ABCF1: variants seen among roughly 807,000 people sequenced by gnomAD.
The protein encoded by ABCF1 is ATP binding cassette subfamily F member 1, also known as ATP-binding cassette sub-family F member 1.
A neutral mutation model predicts 126.3 loss-of-function variants in ABCF1; 73 were observed. The observed-to-expected ratio is 0.58, with a 90% CI of 0.48 to 0.70. ABCF1 has a LOEUF of 0.70. Among genes scored for constraint, ABCF1 ranks in the 30% least tolerant of loss-of-function variants. The pLI is 0.00. For missense variants in ABCF1, 786 were observed against 1,057.5 expected, an observed-to-expected ratio of 0.74 and a Z score of 3.56; for synonymous variants, 345 against 396.4, an observed-to-expected ratio of 0.87 and a Z score of 1.54.
intron 3 of ABCF1, 35 bp downstream of exon 3, chr6:30,577,948 G>A: frequency 1.2e-6 from 2 of 1,613,330 alleles, no homozygotes; most frequent in Non-Finnish European, 1.7e-6. Context: ...ATCCTGGGAG[G>A]CATCTGGGTT....
chr6:30,582,819 G>A (rs1037796811), intron 9 of ABCF1, among the ~76,000 whole-genome samples: 5 of 152,050 alleles, frequency 3.3e-5, no homozygotes, highest in African/African-American at 9.7e-5. Flanking sequence ...TCAGCCTCCC[G>A]AATAGCTGAG....
rs1328948233 is a variant in ABCF1 at position 30,574,254 on chromosome 6, T to C, written c.73+2694T>C. Among the ~76,000 whole-genome samples the C allele has an allele frequency of 2.0e-5, 3 of 152,062 alleles. No individual in the cohort carries two copies. In the East Asian group the frequency reaches 5.8e-4, roughly 29 times the overall value. On this transcript the variant is annotated intron_variant, in intron 1 of 24. Transcript: ENST00000326195. This position sits in a 1 kb window ranked among gnomAD's most constrained non-coding sequence, Gnocchi z 4.3. ...GGCTCAAGCCATCTTCCCTTGTAGC[T>C]GGGACTACAGGCACACACCGCCATG...
chr6:30,578,946 G>A (rs1019745071), intron 6 of ABCF1, among the ~76,000 whole-genome samples: 1 of 152,020 alleles, frequency 6.6e-6, no homozygotes, highest in Non-Finnish European at 1.5e-5. Flanking sequence ...TTTGCAGTGA[G>A]CTGAGATTGA....
At chr6:30,572,417 A>G (rs538321202) in intron 1 of ABCF1, among the ~76,000 whole-genome samples, 1 of 152,336 alleles carries the variant, frequency 6.6e-6, no homozygotes, top group East Asian at 1.9e-4. Flanking sequence ...AAGGTGCTTA[A>G]GAATGTTATG....
Position 30,586,005 on chromosome 6 carries a change from G to A in ABCF1, c.1713+14G>A, listed in dbSNP as rs1222038855. 2 of 1,602,954 alleles carry A rather than the reference G, an allele frequency of 1.2e-6. No individual in the cohort carries two copies. The highest frequency in any genetic ancestry group is 1.7e-6 in the Non-Finnish European group (2 of 1,174,170). ...ACCAAGCAGGCGGTGAGCACCTGAG[G>A]GACTTCTGGGCTGGGGGCCACTGTT... On this transcript the variant is annotated intron_variant, in intron 17 of 24. Transcript: ENST00000326195. This position sits in a 1 kb window ranked among gnomAD's most constrained non-coding sequence, Gnocchi z 4.9.
rs576346778 is a variant in ABCF1 at position 30,583,398 on chromosome 6, A to G, written c.915+210A>G. Among the ~76,000 whole-genome samples the G allele has an allele frequency of 6.6e-6, 1 of 152,336 alleles. No homozygotes were observed. Among genetic ancestry groups the G allele is most frequent in the African/African-American group, 2.4e-5 (1 of 41,570 alleles). The stretch of plus-strand genomic sequence containing the variant: ...CACCCTTGGCAGAAAATAGTGTGGG[A>G]CAGACTAGACTAGCTGAGGATGCAT... On this transcript the variant is annotated intron_variant, in intron 10 of 24. Coordinates refer to ENST00000326195, the MANE Select transcript of ABCF1 (RefSeq NM_001025091.2). This position sits in a 1 kb window ranked among gnomAD's most constrained non-coding sequence, Gnocchi z 4.1.
At chr6:30,578,866 G>C (rs2127407491) in intron 6 of ABCF1, among the ~76,000 whole-genome samples, 1 of 152,198 alleles carries the variant, frequency 6.6e-6, no homozygotes, top group South Asian at 2.1e-4. Context: ...CAGGCGTGGT[G>C]GCGTGCGCCT....
Position 30,580,455 on chromosome 6 carries a change from A to C in ABCF1, c.614A>C (p.Glu205Ala). Reference protein sequence around the residue: ...ALDNEEEDKEEEIIKEKEPPK... With the variant: ...ALDNEEEDKEAEIIKEKEPPK... Reference sequence around the variant, plus strand: ...GACAATGAAGAGGAGGATAAAGAAGAAGAAATTATAAAGGAAAAGGAGCCT... The same window carrying C: ...GACAATGAAGAGGAGGATAAAGAAGCAGAAATTATAAAGGAAAAGGAGCCT... The change falls in exon 8 of 25, where the codon GAA becomes GCA. Residue 205 changes from glutamate (E) to alanine (A), a missense_variant. This residue lies in a region of ABCF1 where 322 missense variants were observed against 322.9 expected (regional missense o/e 1.00). Transcript: ENST00000326195. 6.5e-7 allele frequency: 1 copy of C among 1,534,484 alleles called. No homozygotes were observed. The highest frequency in any genetic ancestry group is 8.7e-7 in the Non-Finnish European group (1 of 1,153,928).
chr6:30,591,305 G>C lies in ABCF1; in HGVS notation c.*604G>C, dbSNP rs1343378789. The C allele has an allele frequency of 6.6e-6, 1 of 152,312 alleles. No individual in the cohort carries two copies. Among genetic ancestry groups the C allele is most frequent in the Non-Finnish European group, 1.5e-5 (1 of 68,120 alleles). The allele number at this position is 152,312 out of a possible 1,614,324, so 9.4% of individuals were successfully genotyped here. A position where few individuals can be genotyped will look rare whatever the true frequency, so the allele number is the denominator to read the frequency against. On this transcript the variant is annotated 3_prime_UTR_variant, in exon 25 of 25. Transcript: ENST00000326195. ...GGGGAAGAAATAAAGGAAAGGAGTTGCTGCCGACCTGTCACTGTTTGGAGA... is the reference window on the plus strand; with the variant it reads ...GGGGAAGAAATAAAGGAAAGGAGTTCCTGCCGACCTGTCACTGTTTGGAGA...
chr6:30,586,613 C>T lies in ABCF1; in HGVS notation c.1961-28C>T, dbSNP rs1802150321. The stretch of plus-strand genomic sequence containing the variant: ...CCACAGGGAGAGTCTCTGGGGACCT[C>T]TTTGACCACCTGTCTTCCATCTTGC... On this transcript the variant is annotated intron_variant, in intron 19 of 24. Coordinates refer to ENST00000326195, the MANE Select transcript of ABCF1 (RefSeq NM_001025091.2). This position sits in a 1 kb window ranked among gnomAD's most constrained non-coding sequence, Gnocchi z 4.9. The T allele has an allele frequency of 9.3e-6, 15 of 1,613,248 alleles. No homozygotes were observed. The East Asian group carries it at 2.9e-4, about 31-fold the overall frequency.
At chr6:30,585,387 C>A (rs751391441) in intron 15 of ABCF1, 44 bp downstream of exon 15, 2 of 1,597,484 alleles carry the variant, frequency 1.3e-6, no homozygotes, top group Non-Finnish European at 1.7e-6. Flanking sequence ...TCTGCACTTT[C>A]TTCCCCTTCC....
chr6:30,579,455 A>ATTTT (rs9281009), intron 6 of ABCF1, among the ~76,000 whole-genome samples: 16 of 112,112 alleles, frequency 1.4e-4, no homozygotes, highest in Admixed American at 3.0e-4. Flanking sequence ...AGTTGGAACT[A>ATTTT]TTTTTTTTTT....
In ABCF1 at chr6:30,590,189, T is replaced by A. The variant is rs769024693; in HGVS notation, c.2274T>A (p.Cys758Ter). 1.2e-6 allele frequency: 2 copies of A among 1,612,922 alleles called. No individual in the cohort carries two copies. Among genetic ancestry groups the A allele is most frequent in the Non-Finnish European group, 1.7e-6 (2 of 1,180,002 alleles). The change falls in exon 23 of 25, where the codon TGT becomes TGA. Residue 758 changes from cysteine (C) to a stop codon, truncating the protein, a stop_gained. Coordinates refer to ENST00000326195, the MANE Select transcript of ABCF1 (RefSeq NM_001025091.2). LOFTEE classifies it high-confidence loss of function. ...KARVVFAELACREPDVLILDE... is the reference protein window; with the variant it reads ...KARVVFAELA Reference sequence around the variant, plus strand: ...GAGTTGTGTTTGCTGAGCTGGCCTGTCGGGAACCTGATGTCCTCATCTTGG... The same window carrying A: ...GAGTTGTGTTTGCTGAGCTGGCCTGACGGGAACCTGATGTCCTCATCTTGG...
Position 30,580,109 on chromosome 6 carries a change from G to C in ABCF1, c.564+104G>C, listed in dbSNP as rs532141884. 1.3e-3 allele frequency: 1,452 copies of C among 1,103,486 alleles called. 2 individuals carry two copies. Among genetic ancestry groups the C allele is most frequent in the Non-Finnish European group, 1.8e-3 (1,397 of 768,022 alleles). The allele number at this position is 1,103,486 out of a possible 1,614,324, so 68.4% of individuals were successfully genotyped here. On this transcript the variant is annotated intron_variant, in intron 7 of 24. Coordinates refer to ENST00000326195, the MANE Select transcript of ABCF1 (RefSeq NM_001025091.2). ...CGCCTGTAATCCCAGCACTTTGGGA[G>C]GCCGAGGTGGGCGGATCACGAGGTC...
At position 30,574,549 on chromosome 6, in the gene ABCF1, T is replaced by C. The variant is rs1281331299; in HGVS notation, c.74-2860T>C. Among the ~76,000 whole-genome samples the C allele has an allele frequency of 6.6e-6, 1 of 152,224 alleles. No individual in the cohort carries two copies. Among genetic ancestry groups the C allele is most frequent in the Non-Finnish European group, 1.5e-5 (1 of 68,044 alleles). ...GTTGATAAGGTGAGCTGATCAGGTT[T>C]TTCCTTCTTAGGTACTTCAGTAGAT... is the stretch of plus-strand genomic sequence containing the variant. On this transcript the variant is annotated intron_variant, in intron 1 of 24. Coordinates refer to ENST00000326195, the MANE Select transcript of ABCF1 (RefSeq NM_001025091.2). This position sits in a 1 kb window ranked among gnomAD's most constrained non-coding sequence, Gnocchi z 4.3.
At chr6:30,577,368 A>G in intron 1 of ABCF1, 41 bp from the exon 2 acceptor site, 1 of 1,609,670 alleles carries the variant, frequency 6.2e-7, no homozygotes, top group South Asian at 1.1e-5. Flanking sequence ...CTGCTTTGGA[A>G]TTTGCAGATA....
In ABCF1 at chr6:30,586,869, G is replaced by A. The variant is rs1170848879; in HGVS notation, c.2031+158G>A. Among the ~76,000 whole-genome samples the A allele has an allele frequency of 6.6e-6, 1 of 152,182 alleles. No individual in the cohort carries two copies. Among genetic ancestry groups the A allele is most frequent in the Non-Finnish European group, 1.5e-5 (1 of 68,032 alleles). On this transcript the variant is annotated intron_variant, in intron 20 of 24. Transcript: ENST00000326195. The surrounding 1 kb of genome is among the most constrained non-coding windows in gnomAD (Gnocchi z 4.9). ...CTAAGAGGGGCAGTAGAGGAGGAAA[G>A]AGCTTAGATCAGTTCAGGGGGGAGA...
chr6:30,579,842 C>A (rs1035606698), intron 6 of ABCF1, 89 bp from the exon 7 acceptor site: 3 of 1,318,002 alleles, frequency 2.3e-6, no homozygotes, highest in Non-Finnish European at 3.2e-6. Flanking sequence ...ATGGTTAACA[C>A]AGTAGACTCT....
rs999101735 is a variant in ABCF1 at position 30,574,059 on chromosome 6, C to T, written c.73+2499C>T. On this transcript the variant is annotated intron_variant, in intron 1 of 24. Coordinates refer to ENST00000326195, the MANE Select transcript of ABCF1 (RefSeq NM_001025091.2). The surrounding 1 kb of genome is among the most constrained non-coding windows in gnomAD (Gnocchi z 4.3). ...CAGTTCCTTGGGGATTATACTTTCT[C>T]ACAATGAAACTCTTCGGAGGCTTTT... Among the ~76,000 whole-genome samples the T allele has an allele frequency of 6.6e-6, 1 of 152,118 alleles. No individual in the cohort carries two copies. The highest frequency in any genetic ancestry group is 2.4e-5 in the African/African-American group (1 of 41,422).
Sources: gnomAD v4.1 joint callset for allele counts (sites outside exome capture counted in the v4.1 genomes callset) on GRCh38, gnomAD v4.1.1 for gene constraint, gnomAD v4.1.1 regional missense constraint, Gnocchi (gnomAD v3.1) non-coding constraint, MANE v1.5 for transcripts, NCBI Gene and HGNC (gene_info 2026-07-23, HGNC 2026-07-21) for gene names.